SLC16A5: variants seen among roughly 807,000 people sequenced by gnomAD.
SLC16A5 encodes the protein solute carrier family 16 member 5.
SLC16A5 carries 29 observed loss-of-function variants against 33.2 expected under a neutral mutation model. The ratio of observed to expected loss-of-function variants is 0.87; its 90% CI spans 0.65 to 1.19. The LOEUF (loss-of-function observed/expected upper bound fraction) is 1.19, where lower values mean the gene tolerates loss of function less well. Ranked by LOEUF, SLC16A5 falls within the 50% of genes most tolerant of loss-of-function variation. The probability of loss-of-function intolerance (pLI) is 0.00; values close to 1 mark genes in which losing one functional copy is unlikely to be tolerated. For synonymous variants in SLC16A5, 248 were observed against 284.1 expected, an observed-to-expected ratio of 0.87 and a Z score of 1.28; for missense variants, 606 against 678.2, an observed-to-expected ratio of 0.89 and a Z score of 1.18.
chr17:75,102,570 A>G (rs1008102494), intron 5 of SLC16A5, among the ~76,000 whole-genome samples: 2 of 152,102 alleles, frequency 1.3e-5, no homozygotes, highest in East Asian at 3.8e-4. Context: ...AGAGTGTGAG[A>G]TTCTGAGCAA....
At chr17:75,094,434 C>A (rs533225892) in intron 3 of SLC16A5, among the ~76,000 whole-genome samples, 1 of 152,324 alleles carries the variant, frequency 6.6e-6, no homozygotes, top group Non-Finnish European at 1.5e-5. Flanking sequence ...CGCCTGTAAT[C>A]CCAGCACTTT....
At chr17:75,094,350 A>G (rs1325018768) in intron 3 of SLC16A5, among the ~76,000 whole-genome samples, 1 of 152,196 alleles carries the variant, frequency 6.6e-6, no homozygotes, top group Non-Finnish European at 1.5e-5. Flanking sequence ...GACCCTCACT[A>G]GGGCAGGGAG....
intron 2 of SLC16A5, chr17:75,093,138 A>T: frequency 2.1e-6 from 1 of 465,964 alleles, no homozygotes; most frequent in Non-Finnish European, 3.9e-6. Context: ...CTGTGTTTGT[A>T]TGCAGGAACC....
At chr17:75,107,199 C>T (rs9901821), downstream of SLC16A5, among the ~76,000 whole-genome samples, 87,261 of 151,066 alleles carry the variant, frequency 0.58, 26,111 homozygotes, top group South Asian at 0.66. Context: ...ACTCAGGAGG[C>T]AGAGGTGGGA....
downstream of SLC16A5, among the ~76,000 whole-genome samples, chr17:75,107,252 A>T (rs1378544562): frequency 6.6e-6 from 1 of 151,920 alleles, no homozygotes; most frequent in South Asian, 2.1e-4. Context: ...GTAAGCTGTG[A>T]TCACACCACT....
chr17:75,092,028 G>GGGGTGT (rs1555644932), intron 2 of SLC16A5, among the ~76,000 whole-genome samples: 10 of 149,708 alleles, frequency 6.7e-5, no homozygotes, highest in South Asian at 6.3e-4. Flanking sequence ...ATGTGAGGGG[G>GGGGTGT]GTGTGTGTGT....
intron 5 of SLC16A5, among the ~76,000 whole-genome samples, chr17:75,103,603 C>T (rs561747351): frequency 1.5e-4 from 23 of 152,306 alleles, no homozygotes; most frequent in African/African-American, 5.5e-4. Flanking sequence ...GCTGGGATTA[C>T]AGGCGTGAGC....
Position 75,105,873 on chromosome 17 carries a change from T to C in SLC16A5, c.1365-7T>C. ...ACCTTATCAGGAGATTTTATTTTCATGAACAGGTGCCAGTCTTCCCGCCAG... is the reference window on the plus strand; with the variant it reads ...ACCTTATCAGGAGATTTTATTTTCACGAACAGGTGCCAGTCTTCCCGCCAG... On this transcript the variant is annotated splice_region_variant and splice_polypyrimidine_tract_variant and intron_variant, in intron 6 of 6. Transcript: ENST00000329783. 1.3e-6 allele frequency: 2 copies of C among 1,587,306 alleles called. No homozygotes were observed. Among genetic ancestry groups the C allele is most frequent in the Non-Finnish European group, 1.7e-6 (2 of 1,163,392 alleles).
chr17:75,100,466 T>C lies in SLC16A5; in HGVS notation c.803T>C (p.Val268Ala). The change falls in exon 5 of 7, where the codon GTG becomes GCG. Residue 268 changes from valine to alanine, a missense_variant. Physicochemically the swap from Val to Ala is moderately conservative, Grantham distance 64. Transcript: ENST00000329783. Reference protein sequence around the residue: ...FLVPYAMWHSVDEQQAALLIS... With the variant: ...FLVPYAMWHSADEQQAALLIS... ...GTGCCATATGCCATGTGGCACAGCGTGGACGAGCAGCAGGCAGCCCTCCTC... is the reference window on the plus strand; with the variant it reads ...GTGCCATATGCCATGTGGCACAGCGCGGACGAGCAGCAGGCAGCCCTCCTC... 6.2e-7 allele frequency: 1 copy of C among 1,614,254 alleles called. No homozygotes were observed.
rs1248052231 is a variant in SLC16A5 at position 75,100,249 on chromosome 17, G to A, written c.586G>A (p.Val196Met). The change falls in exon 5 of 7, where the codon GTG becomes ATG. Residue 196 changes from valine (V) to methionine (M), a missense_variant. Val to Met is a conservative substitution (Grantham distance 21). Transcript: ENST00000329783. Reference protein sequence around the residue: ...GAIIRPVATSVAPETKECPPP... With the variant: ...GAIIRPVATSMAPETKECPPP... ...CATCATAAGGCCTGTGGCCACCAGT[G>A]TGGCCCCTGAGACCAAAGAATGTCC... The A allele has an allele frequency of 6.2e-7, 1 of 1,614,128 alleles. No individual in the cohort carries two copies. The highest frequency in any genetic ancestry group is 1.3e-5 in the African/African-American group (1 of 74,948).
chr17:75,093,580 CCT>C lies in SLC16A5; in HGVS notation c.-48-7_-48-6del, dbSNP rs2073672151. ...CTGACCACCAGGCTCCATTCTGTCCCCTCCCCAGGCAGCAGCCACATTGGCAG... is the reference window on the plus strand; with the variant it reads ...CTGACCACCAGGCTCCATTCTGTCCCCCCCAGGCAGCAGCCACATTGGCAG... On this transcript the variant is annotated splice_polypyrimidine_tract_variant and splice_region_variant and intron_variant, in intron 2 of 6. Transcript: ENST00000329783. 3.2e-6 allele frequency: 5 copies of C among 1,568,044 alleles called. No homozygotes were observed. The African/African-American group carries it at 4.1e-5, about 13-fold the overall frequency.
At chr17:75,088,825 CT>C (rs2073602000) in intron 1 of SLC16A5, 2 of 152,234 alleles carry the variant, frequency 1.3e-5, no homozygotes, top group African/African-American at 2.4e-5. Flanking sequence ...GGCGTTCGAG[CT>C]CCAGGGGCAG....
chr17:75,093,343 C>G, intron 2 of SLC16A5: 1 of 1,467,346 alleles, frequency 6.8e-7, no homozygotes, highest in African/African-American at 1.4e-5. Flanking sequence ...CCTGTCCCTC[C>G]TATCCCTCCT....
intron 2 of SLC16A5, chr17:75,089,772 A>G (rs969546811): frequency 2.3e-4 from 35 of 151,446 alleles, no homozygotes; most frequent in Admixed American, 2.2e-3. Flanking sequence ...AAAAAAAAAA[A>G]AAAAGGCGAG....
In SLC16A5 at chr17:75,100,853, G is replaced by A. The variant is rs779375546; in HGVS notation, c.1153+37G>A. ...GGAGGGAGGGCAGCCAGATAGTGTG[G>A]TAAAAGGGGAACAGTTTAGACAGAT... On this transcript the variant is annotated intron_variant, in intron 5 of 6. Transcript: ENST00000329783. The A allele has an allele frequency of 2.6e-6, 4 of 1,517,668 alleles. No individual in the cohort carries two copies. In the South Asian group the frequency reaches 5.0e-5, roughly 19 times the overall value. 94.0% of individuals were successfully genotyped at this position (1,517,668 alleles called of 1,614,324 possible).
intron 6 of SLC16A5, 153 bp downstream of exon 6, chr17:75,104,333 G>C: frequency 6.9e-7 from 1 of 1,458,640 alleles, no homozygotes; most frequent in Non-Finnish European, 9.1e-7. Context: ...CAGGAAGCCC[G>C]GGCTGTCCAG....
chr17:75,102,165 C>G (rs2073808353), intron 5 of SLC16A5, among the ~76,000 whole-genome samples: 1 of 152,288 alleles, frequency 6.6e-6, no homozygotes, highest in South Asian at 2.1e-4. Context: ...TTATTCACCT[C>G]TGCCAGCCTC....
chr17:75,107,540 C>T (rs2073872240), downstream of SLC16A5, among the ~76,000 whole-genome samples: 1 of 152,204 alleles, frequency 6.6e-6, no homozygotes, highest in Non-Finnish European at 1.5e-5. Context: ...TGCGGTGGCT[C>T]ATGCCTGTAA....
At chr17:75,094,326 AT>A (rs2073686544) in intron 3 of SLC16A5, among the ~76,000 whole-genome samples, 1 of 152,338 alleles carries the variant, frequency 6.6e-6, no homozygotes, top group East Asian at 1.9e-4. Context: ...GCTGTGAATT[AT>A]TAATATTTTG....
Sources: allele counts gnomAD v4.1 joint callset (sites outside exome capture counted in the v4.1 genomes callset), GRCh38; gene constraint gnomAD v4.1.1; transcripts MANE v1.5; gene names NCBI Gene and HGNC (gene_info 2026-07-23, HGNC 2026-07-21).